NLGN1: variants seen among roughly 807,000 people sequenced by gnomAD.
NLGN1 encodes neuroligin-1.
A neutral mutation model predicts 65.5 loss-of-function variants in NLGN1; 12 were observed. The observed-to-expected ratio is 0.18, with a 90% CI of 0.12 to 0.30. NLGN1 has a LOEUF of 0.30. NLGN1 is among the 10% of genes least tolerant of loss of function. NLGN1 has a pLI of 1.00. For missense variants in NLGN1, 750 were observed against 1,007.1 expected (o/e 0.74, Z 3.46); for synonymous variants, 350 against 359.5 (o/e 0.97, Z 0.30).
chr3:174,142,926 T>G (rs1166140692), intron 4 of NLGN1, among the ~76,000 whole-genome samples: 1 of 152,142 alleles, frequency 6.6e-6, no homozygotes, highest in Non-Finnish European at 1.5e-5. Flanking sequence ...CTGCTTCTGG[T>G]GAGGCCTCAG....
At chr3:174,172,147 T>TA (rs1728661336) in intron 4 of NLGN1, among the ~76,000 whole-genome samples, 1 of 152,198 alleles carries the variant, frequency 6.6e-6, no homozygotes, top group Non-Finnish European at 1.5e-5. Flanking sequence ...TAAATTTTCA[T>TA]ATGATCATAG....
chr3:174,207,306 T>G, intron 4 of NLGN1, among the ~76,000 whole-genome samples: 1 of 151,946 alleles, frequency 6.6e-6, no homozygotes, highest in African/African-American at 2.4e-5. Flanking sequence ...TATCTCCTGG[T>G]GTAATGGCCC....
At chr3:173,812,098 C>A (rs1323643317) in intron 4 of NLGN1, among the ~76,000 whole-genome samples, 1 of 152,090 alleles carries the variant, frequency 6.6e-6, no homozygotes, top group Non-Finnish European at 1.5e-5. Flanking sequence ...GTACTGATAT[C>A]TATCTGGACA....
chr3:174,107,013 CACACAGAGAGAGAGAGAGAGAG>C (rs1714040334), intron 4 of NLGN1, among the ~76,000 whole-genome samples: 1 of 100,524 alleles, frequency 9.9e-6, no homozygotes, highest in African/African-American at 4.9e-5. Context: ...CACACACACA[CACACAGAGAGAGAGAGAGAGAG>C]AGAGAGAGAG....
chr3:173,519,091 G>A lies in NLGN1; in HGVS notation c.-321+84013G>A, dbSNP rs149312620. ...AGCTCAGGTCACTGCTTCAGAGGGT[G>A]CAAACTATAAGTCTTTGCAGCTTTC... On this transcript the variant is annotated intron_variant, in intron 2 of 6. Transcript: ENST00000457714. Among the ~76,000 whole-genome samples the A allele has an allele frequency of 1.3e-3, 201 of 152,312 alleles. 2 individuals are homozygous for A. Among genetic ancestry groups the A allele is most frequent in the African/African-American group, 4.1e-3 (171 of 41,576 alleles).
intron 4 of NLGN1, among the ~76,000 whole-genome samples, chr3:174,153,628 C>T (rs1023897031): frequency 2.0e-5 from 3 of 152,048 alleles, no homozygotes; most frequent in African/African-American, 7.2e-5. Flanking sequence ...TTAAAGTTGG[C>T]TCATAATTAA....
At chr3:173,777,260 G>C (rs1780438740) in intron 3 of NLGN1, among the ~76,000 whole-genome samples, 1 of 151,896 alleles carries the variant, frequency 6.6e-6, no homozygotes, top group African/African-American at 2.4e-5. Context: ...TTACAATCAT[G>C]AAACAGTATT....
intron 4 of NLGN1, among the ~76,000 whole-genome samples, chr3:174,060,029 C>G (rs181275345): frequency 3.9e-5 from 6 of 152,202 alleles, no homozygotes; most frequent in Non-Finnish European, 5.9e-5. Flanking sequence ...AAAAACGTCA[C>G]TTAACTTTTC....
intron 1 of NLGN1, among the ~76,000 whole-genome samples, chr3:173,422,211 C>T (rs953355699): frequency 7.2e-5 from 11 of 152,054 alleles, no homozygotes; most frequent in Admixed American, 2.6e-4. Flanking sequence ...GAATTCTTGT[C>T]ATATGCAGCA....
intron 4 of NLGN1, 144 bp from the exon 5 acceptor site, chr3:174,275,171 C>A (rs1750308133): frequency 1.6e-6 from 1 of 623,748 alleles, no homozygotes. Context: ...AAAGTAAATT[C>A]TTTTGTTATA....
At chr3:173,614,577 A>T (rs887076221) in intron 3 of NLGN1, among the ~76,000 whole-genome samples, 2 of 152,054 alleles carry the variant, frequency 1.3e-5, no homozygotes, top group Non-Finnish European at 2.9e-5. Flanking sequence ...ATTAAAGAGA[A>T]CTGATATGTT....
intron 4 of NLGN1, among the ~76,000 whole-genome samples, chr3:174,006,818 C>T (rs1010438376): frequency 1.9e-4 from 29 of 152,194 alleles, no homozygotes; most frequent in Admixed American, 1.6e-3. Flanking sequence ...CTTGTAACCC[C>T]AGCACTCTGG....
chr3:173,601,336 G>T (rs980771177), intron 2 of NLGN1, among the ~76,000 whole-genome samples: 1 of 152,038 alleles, frequency 6.6e-6, no homozygotes, highest in African/African-American at 2.4e-5. Flanking sequence ...CAGGTTATCC[G>T]TCTTAGGTGT....
chr3:174,149,485 A>T (rs1723926880), intron 4 of NLGN1, among the ~76,000 whole-genome samples: 1 of 152,122 alleles, frequency 6.6e-6, no homozygotes, highest in South Asian at 2.1e-4. Flanking sequence ...TGTACACTTA[A>T]TCTGTCCCTA....
chr3:173,718,409 T>C (rs1336910431), intron 3 of NLGN1, among the ~76,000 whole-genome samples: 1 of 152,186 alleles, frequency 6.6e-6, no homozygotes, highest in Non-Finnish European at 1.5e-5. Flanking sequence ...TTTCTTTTTG[T>C]TTCTGGCTTA....
intron 4 of NLGN1, among the ~76,000 whole-genome samples, chr3:174,200,761 G>A (rs1034927235): frequency 1.3e-5 from 2 of 152,102 alleles, no homozygotes; most frequent in African/African-American, 4.8e-5. Flanking sequence ...GCTATTGAAT[G>A]GGGCAACTTT....
chr3:173,955,468 A>G (rs1711769954), intron 4 of NLGN1, among the ~76,000 whole-genome samples: 1 of 152,190 alleles, frequency 6.6e-6, no homozygotes, highest in Non-Finnish European at 1.5e-5. Context: ...TATGAAAACA[A>G]CAGTTTCTAA....
At chr3:173,868,932 A>G (rs1730685353) in intron 4 of NLGN1, among the ~76,000 whole-genome samples, 1 of 152,144 alleles carries the variant, frequency 6.6e-6, no homozygotes, top group Non-Finnish European at 1.5e-5. Flanking sequence ...AGAGAGAAAT[A>G]AAAGGAAAAC....
intron 4 of NLGN1, among the ~76,000 whole-genome samples, chr3:174,272,117 A>ACTAT (rs897180595): frequency 2.2e-4 from 34 of 151,848 alleles, no homozygotes; most frequent in African/African-American, 5.8e-4. Flanking sequence ...TAAAATAGTG[A>ACTAT]CTATCTGTTA....
Sources: gnomAD v4.1 joint callset for allele counts (sites outside exome capture counted in the v4.1 genomes callset) on GRCh38, gnomAD v4.1.1 for gene constraint, MANE v1.5 for transcripts, NCBI Gene and HGNC (gene_info 2026-07-23, HGNC 2026-07-21) for gene names.